PLPP5: variants seen among roughly 807,000 people sequenced by gnomAD.
PLPP5 encodes diacylglycerol pyrophosphate like 1.
Under a neutral mutation model 23.6 loss-of-function variants are expected in PLPP5, and 29 were observed. That is an observed-to-expected ratio of 1.23 (90% CI 0.92 to 1.68). PLPP5 has a LOEUF of 1.68. PLPP5 is among the 40% of genes most tolerant of loss of function. PLPP5 has a pLI of 0.00. For synonymous variants in PLPP5, 143 were observed against 131.3 expected, an observed-to-expected ratio of 1.09 and a Z score of -0.61; for missense variants, 315 against 332.1, an observed-to-expected ratio of 0.95 and a Z score of 0.40.
Position 38,267,329 on chromosome 8 carries a change from C to T in PLPP5, c.401G>A (p.Cys134Tyr), listed in dbSNP as rs1156670950. The T allele has an allele frequency of 2.5e-6, 4 of 1,613,876 alleles. No homozygotes were observed. The highest frequency in any genetic ancestry group is 1.7e-5 in the Admixed American group (1 of 60,004). Residue 134 changes from cysteine (C) to tyrosine (Y), a missense_variant, in exon 5 of 7, where the codon TGT becomes TAT. By Grantham distance (194) the Cys-to-Tyr change is radical (BLOSUM62 -2). Coordinates refer to ENST00000424479, the MANE Select transcript of PLPP5 (RefSeq NM_001102559.2). ...ATTCACCACGTCCTTATCCCCTGTA[C>T]ACATCAAGTCAGAATGGGCTAGCCC... Reference protein sequence around the residue: ...PDGLAHSDLMCTGDKDVVNEG... With the variant: ...PDGLAHSDLMYTGDKDVVNEG...
In PLPP5 at chr8:38,263,352, G is replaced by A; in HGVS notation, c.*1092C>T. 1 of 982,518 alleles carries A rather than the reference G, an allele frequency of 1.0e-6. No homozygotes were observed. Among genetic ancestry groups the A allele is most frequent in the Non-Finnish European group, 1.2e-6 (1 of 827,364 alleles). The allele number at this position is 982,518 out of a possible 1,614,324, so 60.9% of individuals were successfully genotyped here. ...ATCTGTCCTTCAGATGACGATACCT[G>A]TCATTTTTCTTTTCTACCTTAGTCA... On this transcript the variant is annotated 3_prime_UTR_variant, in exon 7 of 7. Coordinates refer to ENST00000424479, the MANE Select transcript of PLPP5 (RefSeq NM_001102559.2).
At chr8:38,264,960 G>A in intron 6 of PLPP5, 1 of 1,586,270 alleles carries the variant, frequency 6.3e-7, no homozygotes, top group South Asian at 1.1e-5. Flanking sequence ...CTAGAGGAAG[G>A]AATAAAGTAT....
In PLPP5 at chr8:38,267,964, CAA is replaced by C. The variant is rs1807932065; in HGVS notation, c.275-6_275-5del. 6.2e-7 allele frequency: 1 copy of C among 1,613,900 alleles called. No homozygotes were observed. The highest frequency in any genetic ancestry group is 2.2e-5 in the East Asian group (1 of 44,872). On this transcript the variant is annotated splice_region_variant and splice_polypyrimidine_tract_variant and intron_variant, in intron 3 of 6. Transcript: ENST00000424479. The stretch of plus-strand genomic sequence containing the variant: ...AGAGCCAGGGCAAGGCTGGCAGCTG[CAA>C]AGCAAAGCCATTAGTTGAAAGGATC...
chr8:38,266,749 G>A (rs1300745204), intron 5 of PLPP5, among the ~76,000 whole-genome samples: 1 of 152,146 alleles, frequency 6.6e-6, no homozygotes, highest in Non-Finnish European at 1.5e-5. Flanking sequence ...GTAAGTCATT[G>A]TGAAGGAAAG....
At chr8:38,264,929 A>G (rs1563323989) in intron 6 of PLPP5, 18 of 1,611,762 alleles carry the variant, frequency 1.1e-5, no homozygotes, top group Non-Finnish European at 1.5e-5. Flanking sequence ...TCATCTGCCC[A>G]TTTTCACCAT....
At chr8:38,266,674 A>G (rs186326300) in intron 5 of PLPP5, among the ~76,000 whole-genome samples, 1 of 152,286 alleles carries the variant, frequency 6.6e-6, no homozygotes, top group Non-Finnish European at 1.5e-5. Flanking sequence ...TGCTGGGATT[A>G]CAGGTATGAG....
At chr8:38,267,531 A>G (rs1807833675) in intron 4 of PLPP5, 140 bp from the exon 5 acceptor site, 2 of 975,704 alleles carry the variant, frequency 2.0e-6, no homozygotes, top group Non-Finnish European at 3.0e-6. Flanking sequence ...TAGTATAGTC[A>G]CCACACTAAG....
In PLPP5 at chr8:38,263,512, T is replaced by C. The variant is rs911640266; in HGVS notation, c.*932A>G. 2.1e-5 allele frequency: 21 copies of C among 985,438 alleles called. No individual in the cohort carries two copies. Among genetic ancestry groups the C allele is most frequent in the Non-Finnish European group, 2.5e-5 (21 of 829,922 alleles). The allele number at this position is 985,438 out of a possible 1,614,324, so 61.0% of individuals were successfully genotyped here. On this transcript the variant is annotated 3_prime_UTR_variant, in exon 7 of 7. Coordinates refer to ENST00000424479, the MANE Select transcript of PLPP5 (RefSeq NM_001102559.2). ...GCTGAAACCACACTCCTGACCATTT[T>C]CTTCTTTATTATTGTTTTCACTTAG...
chr8:38,265,990 AT>A, intron 6 of PLPP5, 150 bp downstream of exon 6: 1 of 526,268 alleles, frequency 1.9e-6, no homozygotes, highest in Non-Finnish European at 3.1e-6. Context: ...CTTTCCTATA[AT>A]TTTAAATGTA....
chr8:38,268,764 C>T lies in PLPP5; in HGVS notation c.183+118G>A, dbSNP rs1169320595. Reference sequence around the variant, plus strand: ...GAGCCCTAGGAGGCGGAACCCAGCGCACAGCAGCGGAGTGGGCAGTGGGTC... The same window carrying T: ...GAGCCCTAGGAGGCGGAACCCAGCGTACAGCAGCGGAGTGGGCAGTGGGTC... On this transcript the variant is annotated intron_variant, in intron 2 of 6. Coordinates refer to ENST00000424479, the MANE Select transcript of PLPP5 (RefSeq NM_001102559.2). 4.9e-6 allele frequency: 7 copies of T among 1,437,648 alleles called. No homozygotes were observed. In the East Asian group the frequency reaches 1.0e-4, roughly 21 times the overall value. 89.1% of individuals were successfully genotyped at this position (1,437,648 alleles called of 1,614,324 possible). A position where few individuals can be genotyped will look rare whatever the true frequency, so the allele number is the denominator to read the frequency against.
chr8:38,267,931 C>G lies in PLPP5; in HGVS notation c.304G>C (p.Val102Leu). ...AASLALALNG[V>L]FTNTIKLIVG... ...ATCAGTTTTATTGTGTTGGTAAAGA[C>G]GCCATTCAGAGCCAGGGCAAGGCTG... The change falls in exon 4 of 7, where the codon GTC (valine) becomes CTC (leucine). Residue 102 changes from valine (V) to leucine (L), a missense_variant. By Grantham distance (32) the Val-to-Leu change is conservative. Coordinates refer to ENST00000424479, the MANE Select transcript of PLPP5 (RefSeq NM_001102559.2). The G allele has an allele frequency of 6.2e-7, 1 of 1,613,926 alleles. No homozygotes were observed. Among genetic ancestry groups the G allele is most frequent in the Non-Finnish European group, 8.5e-7 (1 of 1,179,892 alleles).
In PLPP5 at chr8:38,268,951, C is replaced by G. The variant is rs772735753; in HGVS notation, c.114G>C (p.Gln38His). Reference sequence around the variant, plus strand: ...TCCGGTAGAGCCACATCTCCTCCGGCTGGATGAGTCTCTGGAACGGGGGGA... The same window carrying G: ...TCCGGTAGAGCCACATCTCCTCCGGGTGGATGAGTCTCTGGAACGGGGGGA... ...ELLPPFQRLI[Q>H]PEEMWLYRNP... Residue 38 changes from glutamine to histidine, a missense_variant, in exon 2 of 7, where the codon CAG becomes CAC. Gln to His is a conservative substitution (Grantham distance 24). Transcript: ENST00000424479. The G allele has an allele frequency of 3.4e-5, 53 of 1,565,802 alleles. 2 individuals are homozygous for G. The South Asian group carries it at 5.9e-4, about 17-fold the overall frequency.
chr8:38,268,066 A>G (rs1158925431), intron 3 of PLPP5, 106 bp from the exon 4 acceptor site: 3 of 1,567,378 alleles, frequency 1.9e-6, no homozygotes, highest in South Asian at 2.4e-5. Context: ...ATAGAATCCA[A>G]CCAGGCCTGG....
chr8:38,265,010 T>C (rs898245934), intron 6 of PLPP5: 1 of 1,173,890 alleles, frequency 8.5e-7, no homozygotes, highest in Non-Finnish European at 1.3e-6. Context: ...GACTCACGCC[T>C]GTAATCCCAG....
chr8:38,268,000 AG>A, intron 3 of PLPP5, 40 bp from the exon 4 acceptor site: 2 of 1,613,896 alleles, frequency 1.2e-6, no homozygotes, highest in Non-Finnish European at 1.7e-6. Flanking sequence ...TCTGTCTAGG[AG>A]GAAAGGTATG....
At position 38,267,266 on chromosome 8, in the gene PLPP5, C is replaced by T. The variant is rs1563327250; in HGVS notation, c.463+1G>A. ...GGGTAGAGTCCATATGATATTCATA[C>T]AGGAAGAATGTCCACTGGGGAAGCT... On this transcript the variant is annotated splice_donor_variant, in intron 5 of 6. Coordinates refer to ENST00000424479, the MANE Select transcript of PLPP5 (RefSeq NM_001102559.2). LOFTEE classifies it high-confidence loss of function. 6.2e-7 allele frequency: 1 copy of T among 1,613,954 alleles called. No homozygotes were observed. The highest frequency in any genetic ancestry group is 8.5e-7 in the Non-Finnish European group (1 of 1,179,886).
Position 38,263,450 on chromosome 8 carries a change from T to C in PLPP5, c.*994A>G, listed in dbSNP as rs1258722277. The C allele has an allele frequency of 1.1e-5, 11 of 985,274 alleles. No homozygotes were observed. In the African/African-American group the frequency reaches 1.2e-4, roughly 11 times the overall value. The allele number at this position is 985,274 out of a possible 1,614,324, so 61.0% of individuals were successfully genotyped here. A position where few individuals can be genotyped will look rare whatever the true frequency, so the allele number is the denominator to read the frequency against. On this transcript the variant is annotated 3_prime_UTR_variant, in exon 7 of 7. Transcript: ENST00000424479. ...GGAAAGAAGCTCACAAGTACAGTTATGGTCAAATGAGGTAGAAACAGTCAT... is the reference window on the plus strand; with the variant it reads ...GGAAAGAAGCTCACAAGTACAGTTACGGTCAAATGAGGTAGAAACAGTCAT...
intron 5 of PLPP5, 177 bp downstream of exon 5, chr8:38,267,090 A>G: frequency 6.9e-7 from 1 of 1,459,052 alleles, no homozygotes; most frequent in Non-Finnish European, 9.1e-7. Context: ...CTGTTCTGTA[A>G]TATTTACCCA....
intron 5 of PLPP5, among the ~76,000 whole-genome samples, chr8:38,266,687 A>G (rs989670833): frequency 1.3e-5 from 2 of 152,208 alleles, no homozygotes; most frequent in African/African-American, 4.8e-5. Context: ...GGTATGAGCC[A>G]CCACACCCGG....
Sources: gnomAD v4.1 joint callset for allele counts (sites outside exome capture counted in the v4.1 genomes callset) on GRCh38, gnomAD v4.1.1 for gene constraint, MANE v1.5 for transcripts, NCBI Gene and HGNC (gene_info 2026-07-23, HGNC 2026-07-21) for gene names.